The following BLMH variants were observed in gnomAD, a reference collection of about 807,000 sequenced individuals.
The protein encoded by BLMH is bleomycin hydrolase, also known as BLM hydrolase.
A neutral mutation model predicts 61.6 loss-of-function variants in BLMH; 32 were observed. The ratio of observed to expected loss-of-function variants is 0.52; its 90% CI spans 0.39 to 0.70. The LOEUF is 0.70. Ranked by LOEUF, BLMH falls within the 30% of genes least tolerant of loss-of-function variation. The pLI is 0.00. For synonymous variants in BLMH, 183 were observed against 193.8 expected (o/e 0.94, Z 0.46); for missense variants, 460 against 555.5 (o/e 0.83, Z 1.73).
intron 6 of BLMH, among the ~76,000 whole-genome samples, chr17:30,283,453 G>A (rs1908644719): frequency 6.6e-6 from 1 of 150,628 alleles, no homozygotes. Flanking sequence ...ATTATCTACA[G>A]CAAGTATTAT....
At chr17:30,271,179 C>A in intron 10 of BLMH, 92 bp downstream of exon 10, 1 of 982,756 alleles carries the variant, frequency 1.0e-6, no homozygotes, top group South Asian at 1.4e-5. Context: ...AAATCATATA[C>A]ACTATGAATG....
At chr17:30,288,806 A>C (rs1908804010) in intron 3 of BLMH, among the ~76,000 whole-genome samples, 1 of 152,094 alleles carries the variant, frequency 6.6e-6, no homozygotes, top group Non-Finnish European at 1.5e-5. Flanking sequence ...GTCTCTACTA[A>C]AAATACAAAA....
chr17:30,282,748 C>T (rs1350109404), intron 6 of BLMH, among the ~76,000 whole-genome samples: 3 of 152,206 alleles, frequency 2.0e-5, no homozygotes, highest in Non-Finnish European at 2.9e-5. Context: ...GACTTGCCTA[C>T]AAGGTTACAC....
chr17:30,273,757 T>C, intron 7 of BLMH: 1 of 427,618 alleles, frequency 2.3e-6, no homozygotes, highest in South Asian at 2.8e-5. Flanking sequence ...TGTTTTGCAC[T>C]TGAGAATGAT....
intron 6 of BLMH, among the ~76,000 whole-genome samples, chr17:30,277,908 C>G (rs908163745): frequency 6.6e-6 from 1 of 151,980 alleles, no homozygotes; most frequent in Non-Finnish European, 1.5e-5. Context: ...ATAATTAAGG[C>G]ATAAATAAGG....
intron 9 of BLMH, 103 bp downstream of exon 9, chr17:30,272,458 C>G: frequency 7.5e-7 from 1 of 1,337,478 alleles, no homozygotes; most frequent in Non-Finnish European, 1.1e-6. Flanking sequence ...TTAGGTCAAC[C>G]TTCATCTTTG....
intron 6 of BLMH, among the ~76,000 whole-genome samples, chr17:30,274,880 G>A (rs972276159): frequency 6.6e-6 from 1 of 152,108 alleles, no homozygotes; most frequent in African/African-American, 2.4e-5. Context: ...TCAAGAGGCT[G>A]AGGAGGGAGG....
chr17:30,271,490 G>T, intron 9 of BLMH, 102 bp from the exon 10 acceptor site: 1 of 804,324 alleles, frequency 1.2e-6, no homozygotes, highest in East Asian at 2.5e-5. Context: ...GGGCTCAACA[G>T]CTCCAAATAA....
intron 10 of BLMH, among the ~76,000 whole-genome samples, chr17:30,270,099 T>C (rs141659957): frequency 1.3e-5 from 2 of 152,344 alleles, no homozygotes; most frequent in African/African-American, 4.8e-5. Flanking sequence ...TCAGGACTTT[T>C]AGATAGGCTA....
In BLMH at chr17:30,255,214, G is replaced by A. The variant is rs72827928; in HGVS notation, c.1217-6046C>T. Among the ~76,000 whole-genome samples the A allele has an allele frequency of 9.9e-3, 1,503 of 152,220 alleles. 11 individuals are homozygous for A. Among genetic ancestry groups the A allele is most frequent in the Non-Finnish European group, 0.016 (1,111 of 68,012 alleles). ...TTCTGTAAGGTTATAATGTATTTTT[G>A]CTGTACCTTTTCTATGTTTAGATAC... On this transcript the variant is annotated intron_variant, in intron 11 of 11. Coordinates refer to ENST00000261714, the MANE Select transcript of BLMH (RefSeq NM_000386.4).
At chr17:30,291,290 G>A (rs757537028) in intron 2 of BLMH, 21 bp downstream of exon 2, 2 of 1,601,904 alleles carry the variant, frequency 1.2e-6, no homozygotes, top group South Asian at 1.1e-5. Flanking sequence ...AGGAACGTAT[G>A]GGAGAAGTGG....
chr17:30,263,324 CT>C (rs1908014226), intron 11 of BLMH, among the ~76,000 whole-genome samples: 1 of 152,078 alleles, frequency 6.6e-6, no homozygotes, highest in Admixed American at 6.5e-5. Context: ...AGGTGACTTC[CT>C]TGATTTTAAA....
intron 11 of BLMH, among the ~76,000 whole-genome samples, chr17:30,265,336 ACT>A (rs1908071404): frequency 6.6e-6 from 1 of 152,124 alleles, no homozygotes; most frequent in African/African-American, 2.4e-5. Context: ...CAAGTTCAAA[ACT>A]CAGCTTAACA....
At position 30,291,787 on chromosome 17, in the gene BLMH, G is replaced by C. The variant is rs972006164; in HGVS notation, c.13+20C>G. 47 of 1,402,132 alleles carry C rather than the reference G, an allele frequency of 3.4e-5. No homozygotes were observed. The African/African-American group carries it at 6.0e-4, about 18-fold the overall frequency. 86.9% of individuals were successfully genotyped at this position (1,402,132 alleles called of 1,614,324 possible). On this transcript the variant is annotated intron_variant, in intron 1 of 11. Transcript: ENST00000261714. ...CGGAGCTCCTCCAGAGGACCGCGGC[G>C]GGGGACGGCGGCACCTCACCCGAGC... is the stretch of plus-strand genomic sequence containing the variant.
chr17:30,253,967 CTGTAGACAGG>C (rs1331993174), intron 11 of BLMH, among the ~76,000 whole-genome samples: 3 of 152,124 alleles, frequency 2.0e-5, no homozygotes, highest in Non-Finnish European at 4.4e-5. Context: ...GTGAATATAG[CTGTAGACAGG>C]TTAGGTGAAA....
At chr17:30,258,921 G>A (rs1597657709) in intron 11 of BLMH, among the ~76,000 whole-genome samples, 1 of 152,080 alleles carries the variant, frequency 6.6e-6, no homozygotes. Flanking sequence ...CCTGTTCAAC[G>A]CATGCTCCAA....
chr17:30,287,353 ATCTG>A (rs1415322919), intron 4 of BLMH, among the ~76,000 whole-genome samples: 2 of 152,142 alleles, frequency 1.3e-5, no homozygotes, highest in African/African-American at 2.4e-5. Context: ...GTGCATATTT[ATCTG>A]TCTATGTTAT....
intron 6 of BLMH, among the ~76,000 whole-genome samples, chr17:30,281,062 CTG>C (rs1362860793): frequency 3.5e-5 from 5 of 141,056 alleles, no homozygotes; most frequent in Admixed American, 2.9e-4. Flanking sequence ...GGGCAAAGAT[CTG>C]TGTTTTTTTT....
At chr17:30,251,345 T>G (rs1185640123) in intron 11 of BLMH, among the ~76,000 whole-genome samples, 1 of 152,080 alleles carries the variant, frequency 6.6e-6, no homozygotes, top group Non-Finnish European at 1.5e-5. Context: ...AGAGCAAAAT[T>G]AAAGTGAGAG....
Sources: allele counts gnomAD v4.1 joint callset (sites outside exome capture counted in the v4.1 genomes callset), GRCh38; gene constraint gnomAD v4.1.1; transcripts MANE v1.5; gene names NCBI Gene and HGNC (gene_info 2026-07-23, HGNC 2026-07-21).